PDE3B: variants seen among roughly 807,000 people sequenced by gnomAD.
The protein encoded by PDE3B is phosphodiesterase 3B, also known as cGMP-inhibited 3',5'-cyclic phosphodiesterase 3B.
Under a neutral mutation model 116.8 loss-of-function variants are expected in PDE3B, and 66 were observed. That is an observed-to-expected ratio of 0.56 (90% CI 0.46 to 0.69). The LOEUF (loss-of-function observed/expected upper bound fraction) is 0.69, where lower values mean the gene tolerates loss of function less well. Ranked by LOEUF, PDE3B falls within the 30% of genes least tolerant of loss-of-function variation. PDE3B has a pLI of 0.00. For synonymous variants in PDE3B, 595 were observed against 533.6 expected (o/e 1.12, Z -1.59); for missense variants, 1,384 against 1,368.1 (o/e 1.01, Z -0.18).
chr11:14,881,693 C>A, the PDE3B span, among the ~76,000 whole-genome samples: 2 of 152,074 alleles, frequency 1.3e-5, no homozygotes, highest in Non-Finnish European at 2.9e-5. Flanking sequence ...TTAAGGACCT[C>A]TCCCTACTTG....
chr11:14,761,565 A>T (rs755083849), intron 1 of PDE3B, among the ~76,000 whole-genome samples: 2 of 152,140 alleles, frequency 1.3e-5, no homozygotes, highest in Non-Finnish European at 2.9e-5. Context: ...TTTAAAGTTT[A>T]TTGGAAAAGT....
the PDE3B span, chr11:14,880,530 A>C: frequency 6.2e-7 from 1 of 1,613,542 alleles, no homozygotes; most frequent in Non-Finnish European, 8.5e-7. Context: ...CGGTGTCTTC[A>C]TAAGTGAATC....
chr11:14,684,916 T>A (rs1271391730), intron 1 of PDE3B, among the ~76,000 whole-genome samples: 1 of 152,022 alleles, frequency 6.6e-6, no homozygotes, highest in Non-Finnish European at 1.5e-5. Flanking sequence ...GTTACTCTGT[T>A]TTTTTTTCAA....
In PDE3B at chr11:14,644,237, C is replaced by G; in HGVS notation, c.162C>G (p.Phe54Leu). The change falls in exon 1 of 16, where the codon TTC becomes TTG. Residue 54 changes from phenylalanine to leucine, a missense_variant. Phe to Leu is a conservative substitution (Grantham distance 22). Around this residue, in one of 2 missense-constraint regions of PDE3B, gnomAD observed 956 missense variants for 806.8 expected, o/e 1.18. Coordinates refer to ENST00000282096, the MANE Select transcript of PDE3B (RefSeq NM_000922.4). ...PRGFFFHLCR[F>L]CNVELRPPPA... ...GCTTCTTCTTCCACCTCTGCCGCTT[C>G]TGCAACGTGGAGCTGCGGCCGCCGC... The G allele has an allele frequency of 6.3e-7, 1 of 1,585,194 alleles. No individual in the cohort carries two copies. Among genetic ancestry groups the G allele is most frequent in the Non-Finnish European group, 8.5e-7 (1 of 1,172,756 alleles).
chr11:14,717,421 G>A (rs1239006070), intron 1 of PDE3B, among the ~76,000 whole-genome samples: 17 of 75,418 alleles, frequency 2.3e-4, no homozygotes, highest in African/African-American at 8.0e-4. Context: ...TACAGAGAAC[G>A]CCACAAAGAT....
intron 4 of PDE3B, among the ~76,000 whole-genome samples, chr11:14,790,201 G>T (rs1193643209): frequency 6.6e-6 from 1 of 151,892 alleles, no homozygotes; most frequent in Non-Finnish European, 1.5e-5. Context: ...TCAAGCAGGT[G>T]AACTCCTTTT....
Position 14,864,395 on chromosome 11 carries a change from A to G in PDE3B, c.2886+3029A>G, listed in dbSNP as rs570394986. On this transcript the variant is annotated intron_variant, in intron 14 of 15. Coordinates refer to ENST00000282096, the MANE Select transcript of PDE3B (RefSeq NM_000922.4). ...CCCACTGTCAATATTAGACAGATCA[A>G]GACAGAAAATTAACAAGGATATTCA... 6.1e-4 allele frequency among the ~76,000 whole-genome samples: 93 copies of G among 152,232 alleles called. No homozygotes were observed. The South Asian group carries it at 0.019, about 31-fold the overall frequency.
intron 1 of PDE3B, among the ~76,000 whole-genome samples, chr11:14,748,228 T>G (rs1050817262): frequency 2.0e-5 from 3 of 152,250 alleles, no homozygotes; most frequent in African/African-American, 7.2e-5. Flanking sequence ...TGTAATTCCC[T>G]ATTTGTGATG....
At chr11:14,884,704 TAAAA>T in the PDE3B span, among the ~76,000 whole-genome samples, 1 of 151,596 alleles carries the variant, frequency 6.6e-6, no homozygotes, top group African/African-American at 2.4e-5. Flanking sequence ...AAATAAAAAT[TAAAA>T]AAAGAAATAA....
intron 1 of PDE3B, among the ~76,000 whole-genome samples, chr11:14,688,113 T>TTCTCTCTCTCTCTCTCTCTC (rs35700152): frequency 3.1e-4 from 34 of 109,884 alleles, no homozygotes; most frequent in African/African-American, 4.2e-4. Context: ...CTCTCTCTCT[T>TTCTCTCTCTCTCTCTCTCTC]TCTCTCTCTC....
At chr11:14,705,375 A>G (rs918657730) in intron 1 of PDE3B, among the ~76,000 whole-genome samples, 1 of 151,832 alleles carries the variant, frequency 6.6e-6, no homozygotes, top group Admixed American at 6.6e-5. Flanking sequence ...ATGACGCTAA[A>G]TGGAGGAAGC....
chr11:14,883,347 T>C, the PDE3B span, among the ~76,000 whole-genome samples: 3 of 152,034 alleles, frequency 2.0e-5, no homozygotes, highest in African/African-American at 7.3e-5. Flanking sequence ...TATAGATCAA[T>C]GGAACAGAAC....
At chr11:14,679,891 G>A (rs1355238229) in intron 1 of PDE3B, among the ~76,000 whole-genome samples, 1 of 151,984 alleles carries the variant, frequency 6.6e-6, no homozygotes, top group Non-Finnish European at 1.5e-5. Flanking sequence ...GAAGCATGCT[G>A]TTCCACTAGA....
At chr11:14,802,768 G>A (rs1325472274) in intron 4 of PDE3B, among the ~76,000 whole-genome samples, 1 of 152,172 alleles carries the variant, frequency 6.6e-6, no homozygotes, top group African/African-American at 2.4e-5. Flanking sequence ...AGCTGTGGAT[G>A]CCCATCCAGG....
intron 1 of PDE3B, among the ~76,000 whole-genome samples, chr11:14,758,683 A>C (rs1322792239): frequency 1.3e-5 from 2 of 150,126 alleles, no homozygotes; most frequent in East Asian, 4.0e-4. Context: ...GAAGTTGCTT[A>C]TCAGCTTAAG....
At chr11:14,723,611 A>C (rs527324212) in intron 1 of PDE3B, among the ~76,000 whole-genome samples, 2 of 152,054 alleles carry the variant, frequency 1.3e-5, no homozygotes, top group South Asian at 4.2e-4. Flanking sequence ...AAAAAAACCC[A>C]TTAGCTGGGA....
intron 1 of PDE3B, among the ~76,000 whole-genome samples, chr11:14,715,259 A>G (rs1479722360): frequency 1.3e-5 from 2 of 152,168 alleles, no homozygotes; most frequent in Non-Finnish European, 2.9e-5. Context: ...TTTTGGTTCC[A>G]TATGAACTTT....
chr11:14,743,845 G>A (rs1856836126), intron 1 of PDE3B, among the ~76,000 whole-genome samples: 1 of 152,160 alleles, frequency 6.6e-6, no homozygotes, highest in Admixed American at 6.5e-5. Flanking sequence ...CTTCCTGGGT[G>A]AGGAGATGCC....
intron 1 of PDE3B, among the ~76,000 whole-genome samples, chr11:14,661,809 C>T (rs1047446107): frequency 3.9e-5 from 6 of 152,186 alleles, no homozygotes; most frequent in African/African-American, 1.4e-4. Context: ...CAGGTAAGCT[C>T]GAACTGGGTG....
Sources: allele counts gnomAD v4.1 joint callset (sites outside exome capture counted in the v4.1 genomes callset), GRCh38; gene constraint gnomAD v4.1.1; regional missense constraint gnomAD v4.1.1; transcripts MANE v1.5; gene names NCBI Gene and HGNC (gene_info 2026-07-23, HGNC 2026-07-21).